Variants in ITFG1 observed in about 807,000 individuals in gnomAD.
ITFG1 encodes T-cell immunomodulatory protein.
A neutral mutation model predicts 81.8 loss-of-function variants in ITFG1; 34 were observed. The ratio of observed to expected loss-of-function variants is 0.42; its 90% CI spans 0.32 to 0.55. The LOEUF (loss-of-function observed/expected upper bound fraction) is 0.55. ITFG1 is among the 20% of genes least tolerant of loss of function. The pLI is 0.17. For synonymous variants in ITFG1, 285 were observed against 270.6 expected (o/e 1.05, Z -0.52); for missense variants, 672 against 755.4 (o/e 0.89, Z 1.29).
At chr16:47,293,695 G>T (rs1198584801) in intron 10 of ITFG1, among the ~76,000 whole-genome samples, 1 of 151,850 alleles carries the variant, frequency 6.6e-6, no homozygotes, top group South Asian at 2.1e-4. Context: ...TTTAAATGGG[G>T]TTACTTGTAT....
chr16:47,212,730 T>C (rs1384523084), intron 14 of ITFG1, among the ~76,000 whole-genome samples: 1 of 152,250 alleles, frequency 6.6e-6, no homozygotes, highest in Non-Finnish European at 1.5e-5. Flanking sequence ...GTGCATATTA[T>C]TCCCTTATTA....
At chr16:47,405,503 G>A (rs538385211) in intron 6 of ITFG1, among the ~76,000 whole-genome samples, 4 of 152,220 alleles carry the variant, frequency 2.6e-5, no homozygotes, top group South Asian at 2.1e-4. Context: ...CAATGAAAAC[G>A]TACATGTGCA....
At chr16:47,335,186 G>T (rs1223045569) in intron 8 of ITFG1, among the ~76,000 whole-genome samples, 1 of 152,064 alleles carries the variant, frequency 6.6e-6, no homozygotes, top group Non-Finnish European at 1.5e-5. Flanking sequence ...GTGAAACCCT[G>T]TCTCTACTAA....
intron 5 of ITFG1, among the ~76,000 whole-genome samples, chr16:47,430,002 G>A (rs779767323): frequency 1.3e-5 from 2 of 150,434 alleles, no homozygotes; most frequent in Non-Finnish European, 3.0e-5. Context: ...TGGGCATTAG[G>A]CCTTTATCTA....
At chr16:47,328,230 C>T (rs1000293575) in intron 8 of ITFG1, among the ~76,000 whole-genome samples, 1 of 152,014 alleles carries the variant, frequency 6.6e-6, no homozygotes, top group Non-Finnish European at 1.5e-5. Flanking sequence ...GTCAAAAAAC[C>T]AAAGACCACA....
At chr16:47,342,854 C>A (rs1487439743) in intron 8 of ITFG1, among the ~76,000 whole-genome samples, 1 of 151,938 alleles carries the variant, frequency 6.6e-6, no homozygotes, top group Non-Finnish European at 1.5e-5. Flanking sequence ...AAATTAAAGA[C>A]CTAAATAAAT....
intron 6 of ITFG1, among the ~76,000 whole-genome samples, chr16:47,394,528 G>T (rs1448867085): frequency 6.6e-6 from 1 of 151,938 alleles, no homozygotes; most frequent in Non-Finnish European, 1.5e-5. Flanking sequence ...TGAGAATTCT[G>T]TCAAAAGTAC....
chr16:47,182,912 A>G (rs889982936), intron 14 of ITFG1, among the ~76,000 whole-genome samples: 1 of 152,130 alleles, frequency 6.6e-6, no homozygotes, highest in African/African-American at 2.4e-5. Flanking sequence ...GTGGGTGCGC[A>G]CACCGTGCGC....
chr16:47,286,906 T>C (rs1437062371), intron 10 of ITFG1, among the ~76,000 whole-genome samples: 1 of 152,192 alleles, frequency 6.6e-6, no homozygotes, highest in Non-Finnish European at 1.5e-5. Flanking sequence ...ACTGAACATC[T>C]CACATTTAAT....
intron 13 of ITFG1, among the ~76,000 whole-genome samples, chr16:47,229,118 TA>T (rs1235243830): frequency 6.6e-6 from 1 of 152,164 alleles, no homozygotes; most frequent in Non-Finnish European, 1.5e-5. Context: ...GAATAATCAA[TA>T]AGACACAATC....
chr16:47,186,042 C>T (rs893472156), intron 14 of ITFG1, among the ~76,000 whole-genome samples: 1 of 152,134 alleles, frequency 6.6e-6, no homozygotes, highest in African/African-American at 2.4e-5. Flanking sequence ...CACATACACC[C>T]TCCCAAGACT....
At chr16:47,404,872 A>C (rs1259922875) in intron 6 of ITFG1, among the ~76,000 whole-genome samples, 2 of 152,068 alleles carry the variant, frequency 1.3e-5, no homozygotes, top group African/African-American at 4.8e-5. Context: ...TTTTAACTTA[A>C]TTTCTCTGAT....
intron 10 of ITFG1, among the ~76,000 whole-genome samples, chr16:47,309,405 A>G (rs1204879251): frequency 6.6e-6 from 1 of 152,172 alleles, no homozygotes; most frequent in East Asian, 1.9e-4. Flanking sequence ...GTGTTAATCA[A>G]ACATTTACTT....
intron 6 of ITFG1, among the ~76,000 whole-genome samples, chr16:47,398,269 G>C (rs760854266): frequency 4.6e-5 from 7 of 152,028 alleles, no homozygotes; most frequent in Non-Finnish European, 5.9e-5. Flanking sequence ...GAAAAGAAGT[G>C]GCAGGAAGCA....
chr16:47,258,788 TA>T (rs745610941), intron 11 of ITFG1, 48 bp from the exon 12 acceptor site: 4,454 of 684,088 alleles, frequency 6.5e-3, no homozygotes, highest in South Asian at 0.011. Flanking sequence ...TTAGACCAAC[TA>T]AAAAAAAAAT....
chr16:47,328,924 T>C (rs1447463583), intron 8 of ITFG1, among the ~76,000 whole-genome samples: 1 of 152,248 alleles, frequency 6.6e-6, no homozygotes, highest in East Asian at 1.9e-4. Context: ...TTCACACCCA[T>C]GATACAAGGT....
At chr16:47,220,074 T>A (rs116475197) in intron 13 of ITFG1, among the ~76,000 whole-genome samples, 62 of 152,356 alleles carry the variant, frequency 4.1e-4, no homozygotes, top group African/African-American at 1.5e-3. Context: ...TTCTTTCCTA[T>A]CTGTATTCAG....
intron 6 of ITFG1, among the ~76,000 whole-genome samples, chr16:47,421,732 GGTTT>G (rs1968952879): frequency 6.6e-6 from 1 of 152,122 alleles, no homozygotes; most frequent in South Asian, 2.1e-4. Flanking sequence ...ACAACGTGCA[GGTTT>G]GTTACATAGG....
chr16:47,224,000 G>A (rs981845848), intron 13 of ITFG1, among the ~76,000 whole-genome samples: 1 of 149,098 alleles, frequency 6.7e-6, no homozygotes, highest in Non-Finnish European at 1.5e-5. Context: ...TCACTCATAG[G>A]TGGGAATTGA....
Sources: gnomAD v4.1 joint callset for allele counts (sites outside exome capture counted in the v4.1 genomes callset) on GRCh38, gnomAD v4.1.1 for gene constraint, MANE v1.5 for transcripts, NCBI Gene and HGNC (gene_info 2026-07-23, HGNC 2026-07-21) for gene names.